ADRB1: variants seen among roughly 807,000 people sequenced by gnomAD.
ADRB1 encodes beta-1 adrenergic receptor.
For synonymous variants in ADRB1, 365 were observed against 347.2 expected (o/e 1.05, Z -0.57); for missense variants, 635 against 709.1 (o/e 0.90, Z 1.19).
At position 114,044,022 on chromosome 10, in the gene ADRB1, T is replaced by C; in HGVS notation, c.-111T>C. ...CTCCGGCCCCGCGCCGCGGCTGCCC[T>C]GACCCGGCCGCGACCTCCCTCTGCG... On this transcript the variant is annotated 5_prime_UTR_variant, in exon 1 of 1. An upstream open reading frame in the 5' UTR loses its in-frame stop. Coordinates refer to ENST00000369295, the MANE Select transcript of ADRB1 (RefSeq NM_000684.3). The surrounding 1 kb of genome is among the most constrained non-coding windows in gnomAD (Gnocchi z 7.8). 4 of 897,360 alleles carry C rather than the reference T, an allele frequency of 4.5e-6. No homozygotes were observed. Among genetic ancestry groups the C allele is most frequent in the Non-Finnish European group, 4.3e-6 (3 of 700,928 alleles). The allele number at this position is 897,360 out of a possible 1,614,324, so 55.6% of individuals were successfully genotyped here.
In ADRB1 at chr10:114,044,301, TG is replaced by T; in HGVS notation, c.171del (p.Trp57Ter). 6.3e-7 allele frequency: 1 copy of T among 1,594,200 alleles called. No homozygotes were observed. The highest frequency in any genetic ancestry group is 8.5e-7 in the Non-Finnish European group (1 of 1,175,308). On this transcript the variant is annotated frameshift_variant, in exon 1 of 1. Transcript: ENST00000369295. LOFTEE classifies it low-confidence loss of function (END_TRUNC). This position sits in a 1 kb window ranked among gnomAD's most constrained non-coding sequence, Gnocchi z 7.8. ...AAGCCCCGAGCCGCTGTCTCAGCAGTGGACAGCGGGCATGGGTCTGCTGATG... is the reference window on the plus strand; with the variant it reads ...AAGCCCCGAGCCGCTGTCTCAGCAGTGACAGCGGGCATGGGTCTGCTGATG... ...SESPEPLSQQ[W>X]TAGMGLLMAL... is the part of the protein sequence containing the mutation.
Position 114,045,800 on chromosome 10 carries a change from C to CTTTTTTTTT in ADRB1, c.*248_*256dup, listed in dbSNP as rs34635547. ...TTTTTCTTTTCTTTTCTTTCTTCTT[C>CTTTTTTTTT]TTTTTTTTTTTTTTTTTTTTTTCTG... On this transcript the variant is annotated 3_prime_UTR_variant, in exon 1 of 1. Coordinates refer to ENST00000369295, the MANE Select transcript of ADRB1 (RefSeq NM_000684.3). 2.6e-4 allele frequency: 31 copies of CTTTTTTTTT among 118,742 alleles called. No homozygotes were observed. Among genetic ancestry groups the CTTTTTTTTT allele is most frequent in the African/African-American group, 7.7e-4 (16 of 20,706 alleles). 7.4% of individuals were successfully genotyped at this position (118,742 alleles called of 1,614,324 possible).
At position 114,044,805 on chromosome 10, in the gene ADRB1, G is replaced by A; in HGVS notation, c.673G>A (p.Ala225Thr). Residue 225 changes from alanine to threonine, a missense_variant, in exon 1 of 1, where the codon GCC becomes ACC. Coordinates refer to ENST00000369295, the MANE Select transcript of ADRB1 (RefSeq NM_000684.3). This position sits in a 1 kb window ranked among gnomAD's most constrained non-coding sequence, Gnocchi z 7.8. The stretch of plus-strand genomic sequence containing the variant: ...CGACTTCGTCACCAACCGGGCCTAC[G>A]CCATCGCCTCGTCCGTAGTCTCCTT... ...CCDFVTNRAY[A>T]IASSVVSFYV... is the part of the protein sequence containing the mutation. The A allele has an allele frequency of 6.2e-7, 1 of 1,613,806 alleles. No individual in the cohort carries two copies. The highest frequency in any genetic ancestry group is 1.1e-5 in the South Asian group (1 of 91,090).
rs2119528411 is a variant in ADRB1, at chr10:114,044,279, C to T, written c.147C>T (p.Ser49=). 1 of 1,569,516 alleles carries T rather than the reference C, an allele frequency of 6.4e-7. No homozygotes were observed. The highest frequency in any genetic ancestry group is 2.4e-5 in the East Asian group (1 of 42,432). Reference sequence around the variant, plus strand: ...CGTTGCTGCCTCCCGCCAGCGAAAGCCCCGAGCCGCTGTCTCAGCAGTGGA... The same window carrying T: ...CGTTGCTGCCTCCCGCCAGCGAAAGTCCCGAGCCGCTGTCTCAGCAGTGGA... The part of the protein sequence containing the change: ...PASLLPPASE[S]PEPLSQQWTA... The change falls in exon 1 of 1, where the codon AGC becomes AGT. Residue 49 remains serine (S), a synonymous_variant. Transcript: ENST00000369295. The surrounding 1 kb of genome is among the most constrained non-coding windows in gnomAD (Gnocchi z 7.8).
chr10:114,044,683 C>A lies in ADRB1; in HGVS notation c.551C>A (p.Ala184Asp). 2 of 1,612,468 alleles carry A rather than the reference C, an allele frequency of 1.2e-6. No individual in the cohort carries two copies. Among genetic ancestry groups the A allele is most frequent in the South Asian group, 1.1e-5 (1 of 91,046 alleles). The stretch of plus-strand genomic sequence containing the variant: ...CGGGGCCTCGTGTGCACCGTGTGGG[C>A]CATCTCGGCCCTGGTGTCCTTCCTG... ...RARGLVCTVW[A>D]ISALVSFLPI... The change falls in exon 1 of 1, where the codon GCC becomes GAC. Residue 184 changes from alanine (A) to aspartate (D), a missense_variant. Coordinates refer to ENST00000369295, the MANE Select transcript of ADRB1 (RefSeq NM_000684.3). The surrounding 1 kb of genome is among the most constrained non-coding windows in gnomAD (Gnocchi z 7.8).
chr10:114,046,881 G>T lies in ADRB1; in HGVS notation c.*1315G>T. ...TACTGTGTGAGGAATTGGTCCATGT[G>T]CAATAAATACCAATGAAGCACAATC... is the stretch of plus-strand genomic sequence containing the variant. On this transcript the variant is annotated 3_prime_UTR_variant, in exon 1 of 1. Transcript: ENST00000369295. 6.0e-6 allele frequency: 1 copy of T among 166,100 alleles called. No homozygotes were observed. 10.3% of individuals were successfully genotyped at this position (166,100 alleles called of 1,614,324 possible). A position where few individuals can be genotyped will look rare whatever the true frequency, so the allele number is the denominator to read the frequency against.
rs1359593275 is a variant in ADRB1, at chr10:114,044,319, C to G, written c.187C>G (p.Leu63Val). The G allele has an allele frequency of 6.3e-7, 1 of 1,598,528 alleles. No individual in the cohort carries two copies. Among genetic ancestry groups the G allele is most frequent in the Non-Finnish European group, 8.5e-7 (1 of 1,176,162 alleles). The change falls in exon 1 of 1, where the codon CTG becomes GTG. Residue 63 changes from leucine (L) to valine (V), a missense_variant. Coordinates refer to ENST00000369295, the MANE Select transcript of ADRB1 (RefSeq NM_000684.3). The surrounding 1 kb of genome is among the most constrained non-coding windows in gnomAD (Gnocchi z 7.8). Reference sequence around the variant, plus strand: ...TCAGCAGTGGACAGCGGGCATGGGTCTGCTGATGGCGCTCATCGTGCTGCT... The same window carrying G: ...TCAGCAGTGGACAGCGGGCATGGGTGTGCTGATGGCGCTCATCGTGCTGCT... ...LSQQWTAGMG[L>V]LMALIVLLIV...
chr10:114,044,544 G>A lies in ADRB1; in HGVS notation c.412G>A (p.Asp138Asn). The change falls in exon 1 of 1, where the codon GAC becomes AAC. Residue 138 changes from aspartate to asparagine, a missense_variant. Asp to Asn is a conservative substitution (Grantham distance 23). Coordinates refer to ENST00000369295, the MANE Select transcript of ADRB1 (RefSeq NM_000684.3). This position sits in a 1 kb window ranked among gnomAD's most constrained non-coding sequence, Gnocchi z 7.8. ...CTTCTGCGAGCTGTGGACCTCAGTG[G>A]ACGTGCTGTGCGTGACGGCCAGCAT... The part of the protein sequence containing the change: ...SFFCELWTSV[D>N]VLCVTASIET... The A allele has an allele frequency of 1.2e-6, 2 of 1,613,756 alleles. No individual in the cohort carries two copies. The highest frequency in any genetic ancestry group is 1.7e-6 in the Non-Finnish European group (2 of 1,179,972).
chr10:114,046,336 T>A lies in ADRB1; in HGVS notation c.*770T>A, dbSNP rs965206565. 2.6e-4 allele frequency: 44 copies of A among 167,110 alleles called. No individual in the cohort carries two copies. The highest frequency in any genetic ancestry group is 5.3e-4 in the Non-Finnish European group (36 of 68,120). The allele number at this position is 167,110 out of a possible 1,614,324, so 10.4% of individuals were successfully genotyped here. A position where few individuals can be genotyped will look rare whatever the true frequency, so the allele number is the denominator to read the frequency against. ...GTTTATATTAAACAGCTTATTTATG[T>A]ATCAATATTAGTTGGAAGGACCAGG... On this transcript the variant is annotated 3_prime_UTR_variant, in exon 1 of 1. Transcript: ENST00000369295.
In ADRB1 at chr10:114,044,764, A is replaced by T; in HGVS notation, c.632A>T (p.Asn211Ile). 1 of 1,613,096 alleles carries T rather than the reference A, an allele frequency of 6.2e-7. No homozygotes were observed. Among genetic ancestry groups the T allele is most frequent in the Non-Finnish European group, 8.5e-7 (1 of 1,179,856 alleles). The change falls in exon 1 of 1, where the codon AAC (asparagine) becomes ATC (isoleucine). Residue 211 changes from asparagine (N) to isoleucine (I), a missense_variant. By Grantham distance (149) the Asn-to-Ile change is moderately radical (BLOSUM62 -3). Transcript: ENST00000369295. This position sits in a 1 kb window ranked among gnomAD's most constrained non-coding sequence, Gnocchi z 7.8. ...AGCGACGAGGCGCGCCGCTGCTACA[A>T]CGACCCCAAGTGCTGCGACTTCGTC... ...AESDEARRCY[N>I]DPKCCDFVTN... is the part of the protein sequence containing the mutation.
Position 114,044,851 on chromosome 10 carries a change from T to A in ADRB1, c.719T>A (p.Met240Lys). ...VVSFYVPLCIMAFVYLRVFRE... is the reference protein window; with the variant it reads ...VVSFYVPLCIKAFVYLRVFRE... ...TCCTTCTACGTGCCCCTGTGCATCA[T>A]GGCCTTCGTGTACCTGCGGGTGTTC... is the stretch of plus-strand genomic sequence containing the variant. The change falls in exon 1 of 1, where the codon ATG becomes AAG. Residue 240 changes from methionine to lysine, a missense_variant. Physicochemically the swap from Met to Lys is moderately conservative, Grantham distance 95. Transcript: ENST00000369295. The surrounding 1 kb of genome is among the most constrained non-coding windows in gnomAD (Gnocchi z 7.8). 1 of 1,613,678 alleles carries A rather than the reference T, an allele frequency of 6.2e-7. No individual in the cohort carries two copies. Among genetic ancestry groups the A allele is most frequent in the Non-Finnish European group, 8.5e-7 (1 of 1,179,866 alleles).
chr10:114,044,634 A>G lies in ADRB1; in HGVS notation c.502A>G (p.Ser168Gly). The G allele has an allele frequency of 1.2e-6, 2 of 1,612,946 alleles. No homozygotes were observed. Among genetic ancestry groups the G allele is most frequent in the South Asian group, 1.1e-5 (1 of 91,062 alleles). ...LAITSPFRYQ[S>G]LLTRARARGL... ...CATCACCTCGCCCTTCCGCTACCAG[A>G]GCCTGCTGACGCGCGCGCGGGCGCG... Residue 168 changes from serine (S) to glycine (G), a missense_variant, in exon 1 of 1, where the codon AGC (serine) becomes GGC (glycine). Ser to Gly is a moderately conservative substitution (Grantham distance 56). Transcript: ENST00000369295. The surrounding 1 kb of genome is among the most constrained non-coding windows in gnomAD (Gnocchi z 7.8).
In ADRB1 at chr10:114,045,012, G is replaced by A; in HGVS notation, c.880G>A (p.Ala294Thr). 5 of 1,095,734 alleles carry A rather than the reference G, an allele frequency of 4.6e-6. No individual in the cohort carries two copies. The highest frequency in any genetic ancestry group is 5.5e-6 in the Non-Finnish European group (5 of 901,102). The allele number at this position is 1,095,734 out of a possible 1,614,324, so 67.9% of individuals were successfully genotyped here. ...GCCGCCCGGACCCCCGCGCCCCGCC[G>A]CCGCCGCCGCCACCGCCCCGCTGGC... Reference protein sequence around the residue: ...APPPGPPRPAAAAATAPLANG... With the variant: ...APPPGPPRPATAAATAPLANG... Residue 294 changes from alanine (A) to threonine (T), a missense_variant, in exon 1 of 1, where the codon GCC becomes ACC. Coordinates refer to ENST00000369295, the MANE Select transcript of ADRB1 (RefSeq NM_000684.3).
chr10:114,044,009 G>C lies in ADRB1; in HGVS notation c.-124G>C. 1 of 777,922 alleles carries C rather than the reference G, an allele frequency of 1.3e-6. No individual in the cohort carries two copies. The highest frequency in any genetic ancestry group is 1.7e-6 in the Non-Finnish European group (1 of 593,598). The allele number at this position is 777,922 out of a possible 1,614,324, so 48.2% of individuals were successfully genotyped here. A position where few individuals can be genotyped will look rare whatever the true frequency, so the allele number is the denominator to read the frequency against. ...CCGGCGCCCATGCCTCCGGCCCCGC[G>C]CCGCGGCTGCCCTGACCCGGCCGCG... On this transcript the variant is annotated 5_prime_UTR_variant, in exon 1 of 1. Transcript: ENST00000369295. This position sits in a 1 kb window ranked among gnomAD's most constrained non-coding sequence, Gnocchi z 7.8.
In ADRB1 at chr10:114,045,243, GC is replaced by G; in HGVS notation, c.1113del (p.Phe372SerfsTer218). 1 of 1,599,674 alleles carries G rather than the reference GC, an allele frequency of 6.3e-7. No homozygotes were observed. The highest frequency in any genetic ancestry group is 1.1e-5 in the South Asian group (1 of 89,842). ...CAACTGGCTGGGCTACGCCAACTCG[GC>G]CTTCAACCCCATCATCTACTGCCGC... ...FFNWLGYANS[A>X]FNPIIYCRSP... On this transcript the variant is annotated frameshift_variant, in exon 1 of 1. Transcript: ENST00000369295. LOFTEE classifies it low-confidence loss of function (END_TRUNC).
rs1461095666 is a variant in ADRB1 at position 114,046,202 on chromosome 10, C to T, written c.*636C>T. On this transcript the variant is annotated 3_prime_UTR_variant, in exon 1 of 1. Coordinates refer to ENST00000369295, the MANE Select transcript of ADRB1 (RefSeq NM_000684.3). ...TAAGCTCTTCTTGGAACAAGCCCCA[C>T]CTTGCTTTCCTTGTGTAGGGCAAAC... 9 of 167,140 alleles carry T rather than the reference C, an allele frequency of 5.4e-5. No homozygotes were observed. In the Admixed American group the frequency reaches 5.9e-4, roughly 11 times the overall value. The allele number at this position is 167,140 out of a possible 1,614,324, so 10.4% of individuals were successfully genotyped here.
chr10:114,044,288 G>C lies in ADRB1; in HGVS notation c.156G>C (p.Pro52=), dbSNP rs752633662. 3.2e-6 allele frequency: 5 copies of C among 1,577,576 alleles called. No homozygotes were observed. The highest frequency in any genetic ancestry group is 3.4e-6 in the Non-Finnish European group (4 of 1,169,626). ...CTCCCGCCAGCGAAAGCCCCGAGCC[G>C]CTGTCTCAGCAGTGGACAGCGGGCA... The part of the protein sequence containing the change: ...LLPPASESPE[P]LSQQWTAGMG... The change falls in exon 1 of 1, where the codon CCG becomes CCC. Residue 52 remains proline, a synonymous_variant. Coordinates refer to ENST00000369295, the MANE Select transcript of ADRB1 (RefSeq NM_000684.3). The surrounding 1 kb of genome is among the most constrained non-coding windows in gnomAD (Gnocchi z 7.8).
rs1168151432 is a variant in ADRB1 at position 114,046,634 on chromosome 10, A to G, written c.*1068A>G. 2.4e-5 allele frequency: 4 copies of G among 167,080 alleles called. No homozygotes were observed. Among genetic ancestry groups the G allele is most frequent in the African/African-American group, 9.6e-5 (4 of 41,466 alleles). 10.3% of individuals were successfully genotyped at this position (167,080 alleles called of 1,614,324 possible). A position where few individuals can be genotyped will look rare whatever the true frequency, so the allele number is the denominator to read the frequency against. On this transcript the variant is annotated 3_prime_UTR_variant, in exon 1 of 1. Transcript: ENST00000369295. ...TCAAACTCTACTTCTGTTGTCTAGT[A>G]TGTTATTGAGCTAATGATTCATTGG...
At position 114,043,990 on chromosome 10, in the gene ADRB1, C is replaced by T. The variant is rs1847522315; in HGVS notation, c.-143C>T. ...GCTCCTGCGGGAAAGGCGCCCGGCG[C>T]CCATGCCTCCGGCCCCGCGCCGCGG... On this transcript the variant is annotated 5_prime_UTR_variant, in exon 1 of 1. Coordinates refer to ENST00000369295, the MANE Select transcript of ADRB1 (RefSeq NM_000684.3). The T allele has an allele frequency of 1.7e-6, 1 of 580,374 alleles. No individual in the cohort carries two copies. Among genetic ancestry groups the T allele is most frequent in the Non-Finnish European group, 2.4e-6 (1 of 418,436 alleles). The allele number at this position is 580,374 out of a possible 1,614,324, so 36.0% of individuals were successfully genotyped here.
Sources: gnomAD v4.1 joint callset for allele counts on GRCh38, gnomAD v4.1.1 for gene constraint, Gnocchi (gnomAD v3.1) non-coding constraint, MANE v1.5 for transcripts, NCBI Gene and HGNC (gene_info 2026-07-23, HGNC 2026-07-21) for gene names.